Variants in LDB2 observed in about 807,000 individuals in gnomAD.
LDB2 encodes LIM domain-binding protein 2.
Under a neutral mutation model 44.3 loss-of-function variants are expected in LDB2, and 12 were observed. The observed-to-expected ratio is 0.27, with a 90% CI of 0.17 to 0.44. The LOEUF is 0.44. Ranked by LOEUF, LDB2 falls within the 20% of genes least tolerant of loss-of-function variation. LDB2 has a pLI of 1.00. For synonymous variants in LDB2, 164 were observed against 174.8 expected (o/e 0.94, Z 0.49); for missense variants, 344 against 473.5 (o/e 0.73, Z 2.54).
intron 2 of LDB2, among the ~76,000 whole-genome samples, chr4:16,756,757 G>A (rs1489532270): frequency 6.6e-6 from 1 of 151,828 alleles, no homozygotes; most frequent in Non-Finnish European, 1.5e-5. Context: ...TTCTAATAAG[G>A]AATGACATAC....
At chr4:16,680,940 A>G (rs1255774353) in intron 2 of LDB2, among the ~76,000 whole-genome samples, 1 of 152,226 alleles carries the variant, frequency 6.6e-6, no homozygotes, top group Non-Finnish European at 1.5e-5. Flanking sequence ...TACCATTAAG[A>G]TGAAAAGTCA....
intron 2 of LDB2, among the ~76,000 whole-genome samples, chr4:16,690,241 T>C (rs1750299973): frequency 6.6e-6 from 1 of 151,880 alleles, no homozygotes; most frequent in Admixed American, 6.6e-5. Flanking sequence ...GAAAGGTCTA[T>C]GGTTTTTTCA....
chr4:16,847,736 C>T (rs1787350686), intron 1 of LDB2, among the ~76,000 whole-genome samples: 1 of 152,204 alleles, frequency 6.6e-6, no homozygotes, highest in Admixed American at 6.5e-5. Context: ...CCTGCCTCAG[C>T]CTCCCGAGTA....
chr4:16,767,946 T>G (rs1769723254), intron 1 of LDB2, among the ~76,000 whole-genome samples: 1 of 152,174 alleles, frequency 6.6e-6, no homozygotes, highest in Admixed American at 6.5e-5. Context: ...AGCATTTTGC[T>G]TCCATCCTAG....
At chr4:16,742,109 G>T (rs1763399556) in intron 2 of LDB2, among the ~76,000 whole-genome samples, 1 of 118,110 alleles carries the variant, frequency 8.5e-6, no homozygotes, top group African/African-American at 3.4e-5. Flanking sequence ...GTCTCACTCT[G>T]TTGCCAGGCT....
intron 1 of LDB2, among the ~76,000 whole-genome samples, chr4:16,879,226 C>G (rs1719332409): frequency 1.3e-5 from 2 of 152,200 alleles, no homozygotes; most frequent in African/African-American, 4.8e-5. Context: ...AGTCCTCAGA[C>G]AAACATTCAA....
At chr4:16,778,003 C>G (rs1267804266) in intron 1 of LDB2, among the ~76,000 whole-genome samples, 1 of 152,168 alleles carries the variant, frequency 6.6e-6, no homozygotes, top group Non-Finnish European at 1.5e-5. Context: ...CACCTCAGGA[C>G]AGTTCACACC....
At position 16,558,963 on chromosome 4, in the gene LDB2, C is replaced by A. The variant is rs546583405; in HGVS notation, c.615+26959G>T. ...GAATTTCATATCCAGCCAAACTAAGCTTCATAAGTAAGTGAAGGAGAACTA... is the reference window on the plus strand; with the variant it reads ...GAATTTCATATCCAGCCAAACTAAGATTCATAAGTAAGTGAAGGAGAACTA... On this transcript the variant is annotated intron_variant, in intron 5 of 7. Transcript: ENST00000304523. Among the ~76,000 whole-genome samples the A allele has an allele frequency of 3.8e-3, 576 of 152,244 alleles. 3 individuals are homozygous for A. The highest frequency in any genetic ancestry group is 6.9e-3 in the Non-Finnish European group (471 of 68,038).
At chr4:16,811,601 A>G (rs547301744) in intron 1 of LDB2, among the ~76,000 whole-genome samples, 1 of 152,346 alleles carries the variant, frequency 6.6e-6, no homozygotes, top group African/African-American at 2.4e-5. Context: ...CTGTAAATGT[A>G]GTTTATCTAA....
At chr4:16,821,405 A>G (rs1330789464) in intron 1 of LDB2, among the ~76,000 whole-genome samples, 2 of 142,978 alleles carry the variant, frequency 1.4e-5, no homozygotes, top group African/African-American at 2.6e-5. Flanking sequence ...TTTTTTGGAG[A>G]CGGAGTCTCG....
At position 16,679,337 on chromosome 4, in the gene LDB2, CAGGAAGGA is replaced by C. The variant is rs557756673; in HGVS notation, c.235+79813_235+79820del. 5.1e-3 allele frequency among the ~76,000 whole-genome samples: 771 copies of C among 151,926 alleles called. 11 individuals are homozygous for C. The highest frequency in any genetic ancestry group is 0.017 in the African/African-American group (725 of 41,466). On this transcript the variant is annotated intron_variant, in intron 2 of 7. Transcript: ENST00000304523. ...GAAGGAAGGAAGGAAGGCAGGAAGG[CAGGAAGGA>C]AGGGAGGAAATCTTTTCTGAGTTGA...
intron 1 of LDB2, among the ~76,000 whole-genome samples, chr4:16,812,084 C>G (rs1779978135): frequency 6.6e-6 from 1 of 152,170 alleles, no homozygotes; most frequent in African/African-American, 2.4e-5. Context: ...CTATCCCGTC[C>G]TTTATAATTT....
At chr4:16,507,173 T>C (rs1424872442) in intron 7 of LDB2, 1 of 152,220 alleles carries the variant, frequency 6.6e-6, no homozygotes, top group African/African-American at 2.4e-5. Context: ...TGGAGACTAT[T>C]TTCATTATTT....
At chr4:16,817,919 A>T (rs758969430) in intron 1 of LDB2, among the ~76,000 whole-genome samples, 5 of 151,716 alleles carry the variant, frequency 3.3e-5, no homozygotes, top group Admixed American at 6.6e-5. Flanking sequence ...TAAAAAAATT[A>T]AAAAAAAATT....
At chr4:16,652,507 C>T (rs1426291831) in intron 2 of LDB2, among the ~76,000 whole-genome samples, 1 of 152,134 alleles carries the variant, frequency 6.6e-6, no homozygotes, top group Non-Finnish European at 1.5e-5. Flanking sequence ...GATATTTAGC[C>T]CGTCCTGGTC....
intron 1 of LDB2, among the ~76,000 whole-genome samples, chr4:16,775,143 T>G (rs149987932): frequency 6.6e-6 from 1 of 152,180 alleles, no homozygotes; most frequent in Non-Finnish European, 1.5e-5. Flanking sequence ...GTCCCTCTGT[T>G]TCATTATTTA....
chr4:16,789,773 A>T lies in LDB2; in HGVS notation c.133-30513T>A, dbSNP rs184449687. Reference sequence around the variant, plus strand: ...GGTGAAACCCCATCTGTACTAAAAAATACAAAAAATTAGCTGGGTGTGATG... The same window carrying T: ...GGTGAAACCCCATCTGTACTAAAAATTACAAAAAATTAGCTGGGTGTGATG... On this transcript the variant is annotated intron_variant, in intron 1 of 7. Coordinates refer to ENST00000304523, the MANE Select transcript of LDB2 (RefSeq NM_001290.5). 4.3e-3 allele frequency among the ~76,000 whole-genome samples: 656 copies of T among 152,290 alleles called. 2 individuals are homozygous for T. Among genetic ancestry groups the T allele is most frequent in the Middle Eastern group, 0.024 (7 of 294 alleles).
At chr4:16,680,288 T>A (rs1324763144) in intron 2 of LDB2, among the ~76,000 whole-genome samples, 1 of 152,210 alleles carries the variant, frequency 6.6e-6, no homozygotes, top group African/African-American at 2.4e-5. Flanking sequence ...GTTTATGGTG[T>A]TCTTGGCATG....
At chr4:16,593,778 C>G (rs1719938560) in intron 3 of LDB2, among the ~76,000 whole-genome samples, 1 of 152,138 alleles carries the variant, frequency 6.6e-6, no homozygotes, top group Admixed American at 6.5e-5. Context: ...ATCACTCAAC[C>G]ATCTGAGAGG....
Sources: allele counts gnomAD v4.1 joint callset (sites outside exome capture counted in the v4.1 genomes callset), GRCh38; gene constraint gnomAD v4.1.1; transcripts MANE v1.5; gene names NCBI Gene and HGNC (gene_info 2026-07-23, HGNC 2026-07-21).